PRKRIP1: variants seen among roughly 807,000 people sequenced by gnomAD.
PRKRIP1 encodes PRKR-interacting protein 1.
A neutral mutation model predicts 29.3 loss-of-function variants in PRKRIP1; 29 were observed. The ratio of observed to expected loss-of-function variants is 0.99; its 90% confidence interval spans 0.74 to 1.35. The LOEUF (loss-of-function observed/expected upper bound fraction) is 1.35, where lower values mean the gene tolerates loss of function less well. PRKRIP1 is among the 40% of genes most tolerant of loss of function. PRKRIP1 has a pLI of 0.00. For synonymous variants in PRKRIP1, 90 were observed against 85.1 expected, an observed-to-expected ratio of 1.06 and a Z score of -0.32; for missense variants, 247 against 236.8, an observed-to-expected ratio of 1.04 and a Z score of -0.28.
intron 5 of PRKRIP1, among the ~76,000 whole-genome samples, chr7:102,420,630 G>A (rs1796668922): frequency 6.6e-6 from 1 of 152,062 alleles, no homozygotes; most frequent in Middle Eastern, 3.2e-3. Flanking sequence ...TCCTCCCTGA[G>A]AATGATACTC....
intron 5 of PRKRIP1, among the ~76,000 whole-genome samples, chr7:102,420,567 T>C (rs1371971579): frequency 6.6e-6 from 1 of 152,196 alleles, no homozygotes; most frequent in Non-Finnish European, 1.5e-5. Context: ...TGAACTGGGG[T>C]AATTTTGTCA....
chr7:102,415,589 A>G (rs907882073), intron 5 of PRKRIP1, among the ~76,000 whole-genome samples: 6 of 152,232 alleles, frequency 3.9e-5, no homozygotes, highest in African/African-American at 1.4e-4. Context: ...TTCTGCCTTT[A>G]CAACAATACC....
At chr7:102,399,321 A>G (rs782226688) in intron 2 of PRKRIP1, among the ~76,000 whole-genome samples, 8 of 152,172 alleles carry the variant, frequency 5.3e-5, no homozygotes, top group Non-Finnish European at 8.8e-5. Flanking sequence ...CTGATACTGC[A>G]TTTGAGTGGG....
intron 5 of PRKRIP1, among the ~76,000 whole-genome samples, chr7:102,419,564 T>C (rs1796636923): frequency 6.6e-6 from 1 of 152,166 alleles, no homozygotes; most frequent in Admixed American, 6.6e-5. Flanking sequence ...CTGTTCAGCC[T>C]CCTCCCAACC....
chr7:102,421,862 G>A lies in PRKRIP1; in HGVS notation c.458-3152G>A, dbSNP rs1796701816. ...ACAGCATAGTAGGTGGGGATTGAAA[G>A]CCTGTTGTTACCATTTAGCAGCCGA... On this transcript the variant is annotated intron_variant, in intron 5 of 5. Coordinates refer to ENST00000397912, the MANE Select transcript of PRKRIP1 (RefSeq NM_024653.4). 2.0e-5 allele frequency among the ~76,000 whole-genome samples: 3 copies of A among 151,906 alleles called. No homozygotes were observed. In the South Asian group the frequency reaches 6.3e-4, roughly 32 times the overall value.
At chr7:102,403,775 GAGA>G (rs1273677349) in intron 3 of PRKRIP1, among the ~76,000 whole-genome samples, 1 of 152,218 alleles carries the variant, frequency 6.6e-6, no homozygotes, top group Admixed American at 6.5e-5. Context: ...CAGAACTGCT[GAGA>G]AGAAGTAATG....
At chr7:102,415,053 AC>A (rs1414045538) in intron 5 of PRKRIP1, among the ~76,000 whole-genome samples, 25 of 152,152 alleles carry the variant, frequency 1.6e-4, no homozygotes, top group African/African-American at 6.0e-4. Flanking sequence ...GTACACTCTC[AC>A]CATATCCTCA....
At chr7:102,415,493 C>T (rs1563620795) in intron 5 of PRKRIP1, among the ~76,000 whole-genome samples, 2 of 152,260 alleles carry the variant, frequency 1.3e-5, no homozygotes, top group East Asian at 3.8e-4. Context: ...GCGTTGGCCT[C>T]CCAAAGCGCT....
chr7:102,404,779 C>A, intron 4 of PRKRIP1, 96 bp downstream of exon 4: 1 of 844,094 alleles, frequency 1.2e-6, no homozygotes, highest in South Asian at 1.6e-5. Flanking sequence ...TCTGCATGAC[C>A]TGTAGGGGTC....
In PRKRIP1 at chr7:102,414,873, G is replaced by A. The variant is rs143275543; in HGVS notation, c.457+7375G>A. Among the ~76,000 whole-genome samples, 93 of 151,702 alleles carry A rather than the reference G, an allele frequency of 6.1e-4. 1 individual carries two copies. The highest frequency in any genetic ancestry group is 2.0e-3 in the African/African-American group (82 of 41,380). On this transcript the variant is annotated intron_variant, in intron 5 of 5. Transcript: ENST00000397912. ...TGCACTCTAGCCTGGGTGACAGAGC[G>A]AGACCCTGTCTCAAAAAGGAAAAAA... is the stretch of plus-strand genomic sequence containing the variant.
intron 5 of PRKRIP1, among the ~76,000 whole-genome samples, chr7:102,419,162 C>T (rs1259335244): frequency 6.6e-6 from 1 of 152,058 alleles, no homozygotes; most frequent in African/African-American, 2.4e-5. Flanking sequence ...GCCTGTAATC[C>T]CAGCACTTTG....
chr7:102,411,483 C>G lies in PRKRIP1; in HGVS notation c.457+3985C>G, dbSNP rs371588227. ...CACTGCAACCTCCACCTCCTGGGTT[C>G]AAGCAATTCTCCTGCCTCAGCCTCC... On this transcript the variant is annotated intron_variant, in intron 5 of 5. Coordinates refer to ENST00000397912, the MANE Select transcript of PRKRIP1 (RefSeq NM_024653.4). Among the ~76,000 whole-genome samples, 53 of 152,186 alleles carry G rather than the reference C, an allele frequency of 3.5e-4. 1 individual carries two copies. The highest frequency in any genetic ancestry group is 1.2e-3 in the East Asian group (6 of 5,180).
chr7:102,399,989 G>A (rs1164464486), intron 3 of PRKRIP1, among the ~76,000 whole-genome samples: 2 of 136,972 alleles, frequency 1.5e-5, no homozygotes, highest in African/African-American at 2.7e-5. Flanking sequence ...CAACAAGAGC[G>A]AAACTCCATC....
chr7:102,409,501 C>T (rs992463047), intron 5 of PRKRIP1, among the ~76,000 whole-genome samples: 1 of 152,026 alleles, frequency 6.6e-6, no homozygotes, highest in Admixed American at 6.6e-5. Context: ...CCAGCCTGGG[C>T]AGCATAGTAA....
rs2133179040 is a variant in PRKRIP1, at chr7:102,407,501, G to A, written c.457+3G>A. On this transcript the variant is annotated splice_donor_region_variant and intron_variant, in intron 5 of 5. Transcript: ENST00000397912. ...ACTTGAACAGAAGAAACAAGAAGGTGAGTGGTGCCCACTTTTCTTGGCTGT... is the reference window on the plus strand; with the variant it reads ...ACTTGAACAGAAGAAACAAGAAGGTAAGTGGTGCCCACTTTTCTTGGCTGT... The A allele has an allele frequency of 6.2e-7, 1 of 1,609,216 alleles. No individual in the cohort carries two copies. Among genetic ancestry groups the A allele is most frequent in the African/African-American group, 1.3e-5 (1 of 74,946 alleles).
At chr7:102,417,988 A>T (rs1467625778) in intron 5 of PRKRIP1, among the ~76,000 whole-genome samples, 1 of 149,750 alleles carries the variant, frequency 6.7e-6, no homozygotes, top group Non-Finnish European at 1.5e-5. Context: ...TGGACCTGGG[A>T]TCAGCCATTT....
In PRKRIP1 at chr7:102,396,483, C is replaced by G. The variant is rs782697269; in HGVS notation, c.72C>G (p.Pro24=). 1.5e-5 allele frequency: 24 copies of G among 1,610,364 alleles called. No individual in the cohort carries two copies. The South Asian group carries it at 2.4e-4, about 16-fold the overall frequency. ...AAGAGCCGCAGACGCTCGTCATCCC[C>G]AAGAATGCGGCGGAGGAGCAGAAGC... ...PKKEPQTLVI[P]KNAAEEQKLK... The change falls in exon 1 of 6, where the codon CCC becomes CCG. Residue 24 remains proline, a synonymous_variant. Transcript: ENST00000397912.
chr7:102,419,845 T>TTGTGTGTGTGTGTGTG (rs56752508), intron 5 of PRKRIP1, among the ~76,000 whole-genome samples: 7 of 142,716 alleles, frequency 4.9e-5, no homozygotes, highest in African/African-American at 1.9e-4. Context: ...TTTTGTGTTT[T>TTGTGTGTGTGTGTGTG]TGTGTGTGTG....
At chr7:102,404,816 A>G (rs1175138630) in intron 4 of PRKRIP1, 133 bp downstream of exon 4, 3 of 606,248 alleles carry the variant, frequency 4.9e-6, no homozygotes, top group African/African-American at 3.7e-5. Flanking sequence ...GACTTCTACT[A>G]CCTGAGCAGA....
Sources: gnomAD v4.1 joint callset for allele counts (sites outside exome capture counted in the v4.1 genomes callset) on GRCh38, gnomAD v4.1.1 for gene constraint, MANE v1.5 for transcripts, NCBI Gene and HGNC (gene_info 2026-07-23, HGNC 2026-07-21) for gene names.